Variants in GTPBP4 observed in about 807,000 individuals in gnomAD.
The protein encoded by GTPBP4 is GTP-binding protein 4.
In GTPBP4, 15 loss-of-function variants were observed where a neutral mutation model predicts 81.7. The ratio of observed to expected loss-of-function variants is 0.18; its 90% CI spans 0.12 to 0.28. GTPBP4 has a LOEUF of 0.28. Ranked by LOEUF, GTPBP4 falls within the 10% of genes least tolerant of loss-of-function variation. The pLI is 1.00. For synonymous variants in GTPBP4, 272 were observed against 274.6 expected (o/e 0.99, Z 0.09); for missense variants, 847 against 793.8 (o/e 1.07, Z -0.81).
rs112929060 is a variant in GTPBP4, at chr10:1,007,231, G to A, written c.1113+103G>A. The A allele has an allele frequency of 1.0e-3, 668 of 666,614 alleles. 4 individuals carry two copies. The African/African-American group carries it at 0.01, about 10-fold the overall frequency. The allele number at this position is 666,614 out of a possible 1,614,324, so 41.3% of individuals were successfully genotyped here. ...CCCATCCAGCTTCACACACTCGCAG[G>A]TGGATATTGTGGGTGGGCCTCAGTT... is the stretch of plus-strand genomic sequence containing the variant. On this transcript the variant is annotated intron_variant, in intron 10 of 16. Coordinates refer to ENST00000360803, the MANE Select transcript of GTPBP4 (RefSeq NM_012341.3).
Position 1,005,811 on chromosome 10 carries a change from T to G in GTPBP4, c.913-7T>G. ...ATACATCTCTCGTTTTTTCTTTGCA[T>G]TCCCAGAAAATATTTACAGATTTGC... is the stretch of plus-strand genomic sequence containing the variant. On this transcript the variant is annotated splice_polypyrimidine_tract_variant and splice_region_variant and intron_variant, in intron 8 of 16. Coordinates refer to ENST00000360803, the MANE Select transcript of GTPBP4 (RefSeq NM_012341.3). 1 of 1,533,248 alleles carries G rather than the reference T, an allele frequency of 6.5e-7. No homozygotes were observed. Among genetic ancestry groups the G allele is most frequent in the East Asian group, 2.2e-5 (1 of 44,518 alleles). 95.0% of individuals were successfully genotyped at this position (1,533,248 alleles called of 1,614,324 possible).
At chr10:997,817 C>G (rs985060838) in intron 5 of GTPBP4, among the ~76,000 whole-genome samples, 1 of 152,072 alleles carries the variant, frequency 6.6e-6, no homozygotes, top group African/African-American at 2.4e-5. Context: ...TCAGCTTTCA[C>G]ATGAAATCGT....
At chr10:1,003,494 T>C (rs1831675161) in intron 8 of GTPBP4, among the ~76,000 whole-genome samples, 1 of 152,246 alleles carries the variant, frequency 6.6e-6, no homozygotes, top group Non-Finnish European at 1.5e-5. Context: ...CCTGCATTGA[T>C]GTCTCTGCAT....
Position 998,997 on chromosome 10 carries a change from T to G in GTPBP4, c.562-6T>G. 6.5e-7 allele frequency: 1 copy of G among 1,537,698 alleles called. No individual in the cohort carries two copies. Among genetic ancestry groups the G allele is most frequent in the Non-Finnish European group, 9.0e-7 (1 of 1,110,008 alleles). ...AGGTGATTCTGAAAGTTCTCACTTG[T>G]TCCAGGTGACGAGAGCAGACGTGGA... On this transcript the variant is annotated splice_region_variant and splice_polypyrimidine_tract_variant and intron_variant, in intron 5 of 16. Coordinates refer to ENST00000360803, the MANE Select transcript of GTPBP4 (RefSeq NM_012341.3).
chr10:990,392 G>A (rs1394206240), intron 1 of GTPBP4, among the ~76,000 whole-genome samples: 2 of 152,094 alleles, frequency 1.3e-5, no homozygotes, highest in Non-Finnish European at 2.9e-5. Flanking sequence ...AAATGCATTA[G>A]ATAAAATACC....
chr10:995,933 T>C lies in GTPBP4; in HGVS notation c.224T>C (p.Ile75Thr). Residue 75 changes from isoleucine to threonine, a missense_variant, in exon 3 of 17, where the codon ATT becomes ACT. Ile to Thr is a moderately conservative substitution (Grantham distance 89). Transcript: ENST00000360803. ...ILTDFPKLDD[I>T]HPFYADLMNI... is the part of the protein sequence containing the mutation. ...GTGTGCTTTTGTTTGTTACAGGATA[T>C]TCATCCGTTCTATGCTGATTTGATG... 1 of 1,586,382 alleles carries C rather than the reference T, an allele frequency of 6.3e-7. No homozygotes were observed. Among genetic ancestry groups the C allele is most frequent in the Non-Finnish European group, 8.7e-7 (1 of 1,155,274 alleles).
intron 8 of GTPBP4, 74 bp downstream of exon 8, chr10:1,001,087 G>A (rs957504078): frequency 7.9e-6 from 8 of 1,013,600 alleles, no homozygotes; most frequent in Non-Finnish European, 1.2e-5. Flanking sequence ...CCAAAGTTTA[G>A]ATGAAGGAAT....
chr10:989,862 G>C (rs556042928), intron 1 of GTPBP4, among the ~76,000 whole-genome samples: 3 of 152,088 alleles, frequency 2.0e-5, no homozygotes, highest in Non-Finnish European at 4.4e-5. Flanking sequence ...TCAGCCTCCC[G>C]AGTAGCTGGG....
At chr10:995,332 C>T (rs1027824824) in intron 2 of GTPBP4, among the ~76,000 whole-genome samples, 1 of 152,008 alleles carries the variant, frequency 6.6e-6, no homozygotes, top group Non-Finnish European at 1.5e-5. Context: ...AGGCAGGATG[C>T]ATGGCCAGCC....
intron 8 of GTPBP4, 21 bp from the exon 9 acceptor site, chr10:1,005,797 G>T (rs768924736): frequency 7.2e-7 from 1 of 1,387,850 alleles, no homozygotes; most frequent in East Asian, 2.3e-5. Flanking sequence ...TACATCTCTC[G>T]TTTTTTCTTT....
chr10:1,008,577 A>G (rs1195854313), intron 10 of GTPBP4, among the ~76,000 whole-genome samples: 1 of 152,156 alleles, frequency 6.6e-6, no homozygotes, highest in East Asian at 1.9e-4. Flanking sequence ...TCTTATATGC[A>G]CTTGAGTTTA....
chr10:995,945 A>G lies in GTPBP4; in HGVS notation c.236A>G (p.Tyr79Cys), dbSNP rs896877809. 3.1e-6 allele frequency: 5 copies of G among 1,604,108 alleles called. No homozygotes were observed. Among genetic ancestry groups the G allele is most frequent in the Admixed American group, 1.7e-5 (1 of 59,998 alleles). Residue 79 changes from tyrosine to cysteine, a missense_variant, in exon 3 of 17, where the codon TAT (tyrosine) becomes TGT (cysteine). Tyr to Cys is a radical substitution (Grantham distance 194). Around this residue, in one of 3 missense-constraint regions of GTPBP4, gnomAD observed 241 missense variants for 216.3 expected, o/e 1.11. Transcript: ENST00000360803. ...FPKLDDIHPF[Y>C]ADLMNILYDK... ...TTGTTACAGGATATTCATCCGTTCT[A>G]TGCTGATTTGATGAATATTCTCTAC...
intron 8 of GTPBP4, 37 bp downstream of exon 8, chr10:1,001,050 C>G (rs1266122468): frequency 2.8e-6 from 4 of 1,434,628 alleles, no homozygotes; most frequent in Admixed American, 1.7e-5. Flanking sequence ...TTCTTACTTA[C>G]CAATTCTGAA....
rs756936876 is a variant in GTPBP4 at position 988,574 on chromosome 10, C to T, written c.48+47C>T. The T allele has an allele frequency of 2.7e-6, 4 of 1,471,274 alleles. No homozygotes were observed. In the East Asian group the frequency reaches 9.0e-5, roughly 33 times the overall value. 91.1% of individuals were successfully genotyped at this position (1,471,274 alleles called of 1,614,324 possible). ...ACTGCAACTTTCGCGTTCTCCTCAG[C>T]TGGGTCCCCGGGGAGGGTCCGGGCC... On this transcript the variant is annotated intron_variant, in intron 1 of 16. Coordinates refer to ENST00000360803, the MANE Select transcript of GTPBP4 (RefSeq NM_012341.3).
At chr10:995,462 C>G (rs745773815) in intron 2 of GTPBP4, among the ~76,000 whole-genome samples, 4 of 149,040 alleles carry the variant, frequency 2.7e-5, no homozygotes, top group African/African-American at 7.5e-5. Context: ...AGAGTGGGTT[C>G]AAGAGAGGGA....
At chr10:1,012,398 G>A (rs1171584524) in intron 13 of GTPBP4, 67 bp from the exon 14 acceptor site, 1 of 1,105,664 alleles carries the variant, frequency 9.0e-7, no homozygotes, top group East Asian at 2.5e-5. Context: ...TACACACTCT[G>A]CCACACTCAC....
intron 1 of GTPBP4, among the ~76,000 whole-genome samples, chr10:991,689 C>CTTTT (rs778451253): frequency 2.3e-4 from 17 of 74,812 alleles, no homozygotes; most frequent in Admixed American, 5.0e-4. Flanking sequence ...TAAAATTTAT[C>CTTTT]TTTTTTTTTT....
intron 1 of GTPBP4, among the ~76,000 whole-genome samples, 193 bp from the exon 2 acceptor site, chr10:992,296 A>G (rs1241883575): frequency 6.7e-6 from 1 of 149,826 alleles, no homozygotes; most frequent in Non-Finnish European, 1.5e-5. Context: ...GCTACTCTGG[A>G]GGCTGAGGCA....
chr10:1,002,751 C>T (rs977040074), intron 8 of GTPBP4, among the ~76,000 whole-genome samples: 6 of 152,110 alleles, frequency 3.9e-5, no homozygotes, highest in East Asian at 3.9e-4. Flanking sequence ...TGTCTCCTGG[C>T]GTGCAAGGTT....
Sources: gnomAD v4.1 joint callset for allele counts (sites outside exome capture counted in the v4.1 genomes callset) on GRCh38, gnomAD v4.1.1 for gene constraint, gnomAD v4.1.1 regional missense constraint, MANE v1.5 for transcripts, NCBI Gene and HGNC (gene_info 2026-07-23, HGNC 2026-07-21) for gene names.